The following TCF12 variants were observed in gnomAD, a reference collection of about 807,000 sequenced individuals.
TCF12 encodes the protein transcription factor 12.
A neutral mutation model predicts 86.0 loss-of-function variants in TCF12; 45 were observed. The ratio of observed to expected loss-of-function variants is 0.52; its 90% CI spans 0.41 to 0.67. The LOEUF (loss-of-function observed/expected upper bound fraction) is 0.67, where lower values mean the gene tolerates loss of function less well. Ranked by LOEUF, TCF12 falls within the 30% of genes least tolerant of loss-of-function variation. TCF12 has a pLI of 0.00. For synonymous variants in TCF12, 330 were observed against 299.6 expected (o/e 1.10, Z -1.05); for missense variants, 881 against 859.9 (o/e 1.02, Z -0.31).
At chr15:57,041,115 A>G (rs879503067) in intron 3 of TCF12, among the ~76,000 whole-genome samples, 23 of 152,198 alleles carry the variant, frequency 1.5e-4, no homozygotes, top group South Asian at 2.1e-4. Context: ...GACATCAGGT[A>G]CTTCTTCTAC....
chr15:56,983,185 T>A (rs188203002), intron 3 of TCF12, among the ~76,000 whole-genome samples: 7 of 152,350 alleles, frequency 4.6e-5, no homozygotes, highest in African/African-American at 1.4e-4. Flanking sequence ...CTGTTACCTT[T>A]GTCTCCCGTA....
rs1224127416 is a variant in TCF12, at chr15:57,223,660, T to TA, written c.580-7492_580-7491insA. Among the ~76,000 whole-genome samples, 290 of 145,486 alleles carry TA rather than the reference T, an allele frequency of 2.0e-3. 8 individuals are homozygous for TA. The highest frequency in any genetic ancestry group is 3.7e-3 in the Non-Finnish European group (243 of 65,616). On this transcript the variant is annotated intron_variant, in intron 8 of 20. Coordinates refer to ENST00000333725, the MANE Select transcript of TCF12 (RefSeq NM_207037.2). ...CCAATGAGGTTTTTTTTTTTTTTTT[T>TA]TTTTTTTTTTTAGAAATAGAGTAGC... is the stretch of plus-strand genomic sequence containing the variant.
At chr15:57,055,097 G>A (rs1379967914) in intron 3 of TCF12, among the ~76,000 whole-genome samples, 1 of 151,860 alleles carries the variant, frequency 6.6e-6, no homozygotes, top group Non-Finnish European at 1.5e-5. Flanking sequence ...GTCTTCCTCT[G>A]ATAACATTAT....
At chr15:56,945,342 G>A (rs1374957993) in intron 3 of TCF12, among the ~76,000 whole-genome samples, 1 of 151,958 alleles carries the variant, frequency 6.6e-6, no homozygotes, top group African/African-American at 2.4e-5. Context: ...AATTTCCAGT[G>A]TTCTTCATTT....
intron 4 of TCF12, among the ~76,000 whole-genome samples, chr15:57,073,736 AG>A (rs527357551): frequency 6.4e-4 from 97 of 152,128 alleles, no homozygotes; most frequent in African/African-American, 2.3e-3. Flanking sequence ...CAGAGTCACT[AG>A]AAGTTTTTTT....
intron 3 of TCF12, among the ~76,000 whole-genome samples, chr15:56,937,545 C>T (rs532829395): frequency 6.6e-6 from 1 of 151,638 alleles, no homozygotes; most frequent in Non-Finnish European, 1.5e-5. Flanking sequence ...TGCCCTTTTT[C>T]TTTCTTTCTC....
chr15:57,259,615 C>T (rs1328180400), intron 16 of TCF12, among the ~76,000 whole-genome samples: 3 of 152,164 alleles, frequency 2.0e-5, no homozygotes, highest in Non-Finnish European at 4.4e-5. Context: ...CATTTAATGG[C>T]ATGGGCCTTT....
At chr15:57,156,604 C>T (rs1596891606) in intron 5 of TCF12, among the ~76,000 whole-genome samples, 1 of 152,230 alleles carries the variant, frequency 6.6e-6, no homozygotes, top group Non-Finnish European at 1.5e-5. Flanking sequence ...TTCTCTTAAG[C>T]TGTCTCTCTG....
intron 6 of TCF12, among the ~76,000 whole-genome samples, chr15:57,184,840 C>T (rs566608856): frequency 3.3e-5 from 5 of 152,230 alleles, no homozygotes; most frequent in South Asian, 2.1e-4. Flanking sequence ...TCATACTACT[C>T]TCACATAACA....
chr15:57,097,215 A>T (rs765218399), intron 5 of TCF12, among the ~76,000 whole-genome samples: 13 of 152,202 alleles, frequency 8.5e-5, no homozygotes, highest in Non-Finnish European at 1.9e-4. Flanking sequence ...TTTTCAGACT[A>T]TCAAAGGGTA....
intron 3 of TCF12, among the ~76,000 whole-genome samples, chr15:57,029,770 G>C (rs1020974895): frequency 6.6e-6 from 1 of 151,592 alleles, no homozygotes; most frequent in Non-Finnish European, 1.5e-5. Flanking sequence ...CCATTGATCT[G>C]TTCTCTGTTA....
At chr15:57,020,045 G>A (rs1356955661) in intron 3 of TCF12, among the ~76,000 whole-genome samples, 1 of 152,166 alleles carries the variant, frequency 6.6e-6, no homozygotes, top group East Asian at 1.9e-4. Context: ...AAGCAAGGTG[G>A]GGTCAGCCAT....
intron 3 of TCF12, among the ~76,000 whole-genome samples, chr15:56,979,716 G>A (rs2062793099): frequency 1.3e-5 from 2 of 152,156 alleles, no homozygotes; most frequent in Admixed American, 6.5e-5. Context: ...TTTCTACCTT[G>A]TATGTTCTTT....
intron 7 of TCF12, among the ~76,000 whole-genome samples, chr15:57,194,378 CT>C (rs11287609): frequency 0.45 from 67,823 of 151,834 alleles, 16,904 homozygotes; most frequent in Non-Finnish European, 0.57. Flanking sequence ...TTGGCCAAGG[CT>C]TGAGTTGGGA....
At chr15:57,170,718 T>TA in intron 6 of TCF12, among the ~76,000 whole-genome samples, 2 of 3,304 alleles carry the variant, frequency 6.1e-4, no homozygotes, top group African/African-American at 1.2e-3. Context: ...ATATAATATA[T>TA]ATATTATATA....
At chr15:57,247,864 G>T in intron 13 of TCF12, 1 of 759,494 alleles carries the variant, frequency 1.3e-6, no homozygotes, top group Non-Finnish European at 2.4e-6. Context: ...CACAATCTGT[G>T]AGTGTGCCCC....
intron 3 of TCF12, among the ~76,000 whole-genome samples, chr15:57,012,237 A>G (rs2064876365): frequency 6.6e-6 from 1 of 152,220 alleles, no homozygotes; most frequent in Admixed American, 6.5e-5. Context: ...TAATATATAT[A>G]TTCAATTACT....
At chr15:57,102,730 G>C (rs1325264114) in intron 5 of TCF12, among the ~76,000 whole-genome samples, 1 of 152,164 alleles carries the variant, frequency 6.6e-6, no homozygotes, top group East Asian at 1.9e-4. Context: ...AGTTTCTGGA[G>C]CTATACTGCC....
intron 7 of TCF12, among the ~76,000 whole-genome samples, chr15:57,196,384 A>G (rs1413277050): frequency 6.6e-6 from 1 of 152,202 alleles, no homozygotes; most frequent in Non-Finnish European, 1.5e-5. Context: ...AAAGGACTTG[A>G]GCATCTGTGG....
Sources: gnomAD v4.1 joint callset for allele counts (sites outside exome capture counted in the v4.1 genomes callset) on GRCh38, gnomAD v4.1.1 for gene constraint, MANE v1.5 for transcripts, NCBI Gene and HGNC (gene_info 2026-07-23, HGNC 2026-07-21) for gene names.